RIPOR3: variants seen among roughly 807,000 people sequenced by gnomAD.
The protein encoded by RIPOR3 is family with sequence similarity 65 member C.
Under a neutral mutation model 114.3 loss-of-function variants are expected in RIPOR3, and 95 were observed. The ratio of observed to expected loss-of-function variants is 0.83; its 90% confidence interval spans 0.70 to 0.99. The LOEUF (loss-of-function observed/expected upper bound fraction) is 0.99. Among genes scored for constraint, RIPOR3 ranks in the 50% least tolerant of loss-of-function variants. The pLI is 0.00. For synonymous variants in RIPOR3, 575 were observed against 543.8 expected (o/e 1.06, Z -0.80); for missense variants, 1,252 against 1,266.9 (o/e 0.99, Z 0.18).
At chr20:50,665,299 A>AT (rs2086146508) in intron 1 of RIPOR3, among the ~76,000 whole-genome samples, 1 of 150,468 alleles carries the variant, frequency 6.6e-6, no homozygotes, top group Non-Finnish European at 1.5e-5. Context: ...AAAAAAAAAA[A>AT]TGCTGGACGT....
chr20:50,690,996 T>C (rs896745005), intron 1 of RIPOR3, 130 bp downstream of exon 1: 2 of 1,186,356 alleles, frequency 1.7e-6, no homozygotes, highest in African/African-American at 3.1e-5. Context: ...CCAGGTTCCC[T>C]CCTCCGGCCT....
chr20:50,589,117 A>G (rs1245915855), intron 20 of RIPOR3, among the ~76,000 whole-genome samples: 1 of 148,642 alleles, frequency 6.7e-6, no homozygotes, highest in Non-Finnish European at 1.5e-5. Flanking sequence ...AAAAAAAGCT[A>G]AAGTGCTGCC....
intron 1 of RIPOR3, among the ~76,000 whole-genome samples, chr20:50,635,862 C>T (rs952453158): frequency 6.6e-6 from 1 of 152,342 alleles, no homozygotes; most frequent in Non-Finnish European, 1.5e-5. Context: ...GACACGCCCC[C>T]CTCCCAGGAG....
Position 50,630,813 on chromosome 20 carries a change from T to C in RIPOR3, c.47A>G (p.Asp16Gly). ...SVRLRFLSPGDTGAVGVVGRS... is the reference protein window; with the variant it reads ...SVRLRFLSPGGTGAVGVVGRS... ...GCCCACGACCCCCACGGCCCCTGTGTCCCCAGGGGACAGGAACCGCAACCT... is the reference window on the plus strand; with the variant it reads ...GCCCACGACCCCCACGGCCCCTGTGCCCCCAGGGGACAGGAACCGCAACCT... The change falls in exon 2 of 22, where the codon GAC becomes GGC. Residue 16 changes from aspartate to glycine, a missense_variant. Coordinates refer to ENST00000327979, the MANE Select transcript of RIPOR3 (RefSeq NM_001290268.2). 1.2e-6 allele frequency: 2 copies of C among 1,611,234 alleles called. No homozygotes were observed. Among genetic ancestry groups the C allele is most frequent in the Non-Finnish European group, 1.7e-6 (2 of 1,179,190 alleles).
chr20:50,594,416 G>C (rs914458), intron 17 of RIPOR3, 137 bp downstream of exon 17: 283,866 of 1,051,446 alleles, frequency 0.27, 40,644 homozygotes, highest in Non-Finnish European at 0.3. Flanking sequence ...AGCTGAGAAA[G>C]CTCCTCCGTC....
chr20:50,634,080 C>T (rs1332008655), intron 1 of RIPOR3, among the ~76,000 whole-genome samples: 1 of 150,666 alleles, frequency 6.6e-6, no homozygotes, highest in African/African-American at 2.4e-5. Flanking sequence ...CTGCTGGGCT[C>T]AAGCCATCCT....
chr20:50,658,295 G>A lies in RIPOR3; in HGVS notation c.4-27439C>T, dbSNP rs531683780. On this transcript the variant is annotated intron_variant, in intron 1 of 21. Transcript: ENST00000327979. ...AAAGGAAGAAAATGTTGACCCATAC[G>A]ACAACATGGATGAACCATGAAGACA... Among the ~76,000 whole-genome samples, 6 of 152,268 alleles carry A rather than the reference G, an allele frequency of 3.9e-5. No individual in the cohort carries two copies. The South Asian group carries it at 1.2e-3, about 32-fold the overall frequency.
chr20:50,633,738 G>A (rs925159445), intron 1 of RIPOR3, among the ~76,000 whole-genome samples: 1 of 152,116 alleles, frequency 6.6e-6, no homozygotes, highest in African/African-American at 2.4e-5. Flanking sequence ...AGTTCCTCCC[G>A]ATGCAAAGCT....
At chr20:50,690,103 G>A (rs968273975) in intron 1 of RIPOR3, among the ~76,000 whole-genome samples, 3 of 152,202 alleles carry the variant, frequency 2.0e-5, no homozygotes, top group Non-Finnish European at 4.4e-5. Flanking sequence ...AATAGCTTAC[G>A]ATAATATTAA....
intron 1 of RIPOR3, among the ~76,000 whole-genome samples, chr20:50,672,147 G>A (rs965085969): frequency 2.6e-5 from 4 of 152,126 alleles, no homozygotes. Flanking sequence ...GTCCCGATGG[G>A]GCTGTGAATA....
At chr20:50,657,600 AGTT>A (rs564128135) in intron 1 of RIPOR3, among the ~76,000 whole-genome samples, 34 of 152,078 alleles carry the variant, frequency 2.2e-4, no homozygotes, top group Admixed American at 3.9e-4. Flanking sequence ...ATTACCTTTT[AGTT>A]GTTGTTAATT....
chr20:50,608,676 G>A lies in RIPOR3; in HGVS notation c.747C>T (p.Ser249=). Residue 249 remains serine (S), a synonymous_variant, in exon 10 of 22, where the codon AGC becomes AGT. Transcript: ENST00000327979. ...KLKGRIESDD[S]QTWDEEEKAF... The stretch of plus-strand genomic sequence containing the variant: ...CCTTCTCCTCTTCGTCCCAGGTCTG[G>A]CTGTCATCTGACTCGATCCGACCCT... 1.9e-6 allele frequency: 3 copies of A among 1,614,030 alleles called. No individual in the cohort carries two copies. Among genetic ancestry groups the A allele is most frequent in the Non-Finnish European group, 2.5e-6 (3 of 1,179,916 alleles).
chr20:50,685,342 G>C (rs1156567139), intron 1 of RIPOR3, among the ~76,000 whole-genome samples: 1 of 147,792 alleles, frequency 6.8e-6, no homozygotes, highest in Non-Finnish European at 1.5e-5. Flanking sequence ...TCAGCCTCCC[G>C]AGTAACTGAG....
intron 1 of RIPOR3, among the ~76,000 whole-genome samples, chr20:50,686,347 C>T (rs1306161473): frequency 6.6e-6 from 1 of 152,032 alleles, no homozygotes; most frequent in Admixed American, 6.6e-5. Context: ...TGAGCCACTG[C>T]GCCCGGCCAA....
At position 50,597,590 on chromosome 20, in the gene RIPOR3, G is replaced by A. The variant is rs770981472; in HGVS notation, c.1780C>T (p.Gln594Ter). Residue 594 changes from glutamine to a stop codon, truncating the protein, a stop_gained, in exon 14 of 22, where the codon CAG becomes TAG. Coordinates refer to ENST00000327979, the MANE Select transcript of RIPOR3 (RefSeq NM_001290268.2). LOFTEE classifies it high-confidence loss of function. ...LDELSLFGGS[Q>*]GLRKDRPLPP... ...AGGAGGTGCACTCACCGGAGACCCT[G>A]GGAGCCCCCAAACAGGGACAGCTCA... The A allele has an allele frequency of 1.2e-6, 2 of 1,606,626 alleles. No individual in the cohort carries two copies. The highest frequency in any genetic ancestry group is 1.7e-6 in the Non-Finnish European group (2 of 1,176,664).
chr20:50,613,485 T>G (rs547919834), intron 4 of RIPOR3, among the ~76,000 whole-genome samples: 56 of 151,470 alleles, frequency 3.7e-4, no homozygotes, highest in African/African-American at 1.2e-3. Context: ...AAGAAATAAA[T>G]AAAGAAAGAG....
intron 1 of RIPOR3, among the ~76,000 whole-genome samples, chr20:50,681,919 C>T (rs775656729): frequency 3.3e-5 from 5 of 152,202 alleles, no homozygotes; most frequent in African/African-American, 9.7e-5. Context: ...ATTCCAGCCC[C>T]GTCCTTGATG....
rs374136397 is a variant in RIPOR3 at position 50,597,729 on chromosome 20, G to A, written c.1660-19C>T. On this transcript the variant is annotated intron_variant, in intron 13 of 21. Transcript: ENST00000327979. ...TGCAGGGCTGTGGACGAAGTGGCCA[G>A]ACCTGAGGGCAACACCGGGCCCCAC... The A allele has an allele frequency of 4.4e-5, 71 of 1,610,524 alleles. No individual in the cohort carries two copies. In the African/African-American group the frequency reaches 7.1e-4, roughly 16 times the overall value.
intron 1 of RIPOR3, among the ~76,000 whole-genome samples, chr20:50,666,181 C>CTTTT (rs2086185279): frequency 6.7e-5 from 1 of 14,926 alleles, no homozygotes; most frequent in Admixed American, 1.3e-3. Context: ...GAAAGGACAC[C>CTTTT]CATTTCTTTT....
Sources: gnomAD v4.1 joint callset for allele counts (sites outside exome capture counted in the v4.1 genomes callset) on GRCh38, gnomAD v4.1.1 for gene constraint, MANE v1.5 for transcripts, NCBI Gene and HGNC (gene_info 2026-07-23, HGNC 2026-07-21) for gene names.